LHX2: variants seen among roughly 807,000 people sequenced by gnomAD.
The protein encoded by LHX2 is LIM homeobox 2.
A neutral mutation model predicts 33.0 loss-of-function variants in LHX2; 6 were observed. The ratio of observed to expected loss-of-function variants is 0.18; its 90% CI spans 0.10 to 0.36. The LOEUF (loss-of-function observed/expected upper bound fraction) is 0.36. Ranked by LOEUF, LHX2 falls within the 10% of genes least tolerant of loss-of-function variation. The pLI, the probability that LHX2 is intolerant of heterozygous loss-of-function variation, is 1.00. For synonymous variants in LHX2, 292 were observed against 253.1 expected (o/e 1.15, Z -1.46); for missense variants, 442 against 586.2 (o/e 0.75, Z 2.54).
intron 4 of LHX2, among the ~76,000 whole-genome samples, chr9:124,027,398 T>G (rs2055030): frequency 0.4 from 61,061 of 151,706 alleles, 12,549 homozygotes; most frequent in Admixed American, 0.49. Flanking sequence ...CTCAATTCTG[T>G]TTGTGCAGTA....
At chr9:124,025,367 G>C (rs1246556503) in intron 4 of LHX2, among the ~76,000 whole-genome samples, 1 of 151,552 alleles carries the variant, frequency 6.6e-6, no homozygotes, top group Non-Finnish European at 1.5e-5. Flanking sequence ...CGTGAACCCG[G>C]GAGGCGGAGC....
intron 4 of LHX2, among the ~76,000 whole-genome samples, chr9:124,022,506 T>A (rs748998774): frequency 6.6e-5 from 10 of 152,084 alleles, no homozygotes; most frequent in Admixed American, 1.3e-4. Context: ...GCGACACACA[T>A]TTTGAGGGAA....
At chr9:124,019,031 C>G (rs576777324) in intron 3 of LHX2, among the ~76,000 whole-genome samples, 1 of 152,196 alleles carries the variant, frequency 6.6e-6, no homozygotes, top group African/African-American at 2.4e-5. Context: ...GGCTGCCCCA[C>G]CCCCAGTGGA....
chr9:124,027,960 T>A (rs986062416), intron 4 of LHX2, among the ~76,000 whole-genome samples: 13 of 152,206 alleles, frequency 8.5e-5, no homozygotes, highest in Admixed American at 7.2e-4. Context: ...CCCTGTGGCA[T>A]CGTGGAGTGG....
intron 4 of LHX2, among the ~76,000 whole-genome samples, chr9:124,025,905 A>C (rs1828614104): frequency 6.6e-6 from 1 of 151,900 alleles, no homozygotes; most frequent in Non-Finnish European, 1.5e-5. Context: ...GAATCACTTG[A>C]ACCCAGGAGG....
rs1032288010 is a variant in LHX2, at chr9:124,014,696, A to G, written c.324-426A>G. On this transcript the variant is annotated intron_variant, in intron 2 of 4. Transcript: ENST00000373615. The surrounding 1 kb of genome is among the most constrained non-coding windows in gnomAD (Gnocchi z 4.8). ...CCAGTTTTAGGATTAGGGTCTATGTATATTCTCTCTGTCTCTGTCTCTACG... is the reference window on the plus strand; with the variant it reads ...CCAGTTTTAGGATTAGGGTCTATGTGTATTCTCTCTGTCTCTGTCTCTACG... Among the ~76,000 whole-genome samples the G allele has an allele frequency of 1.3e-5, 2 of 152,146 alleles. No individual in the cohort carries two copies. The highest frequency in any genetic ancestry group is 2.9e-5 in the Non-Finnish European group (2 of 68,030).
At chr9:124,025,816 C>T (rs981145369) in intron 4 of LHX2, among the ~76,000 whole-genome samples, 1 of 152,012 alleles carries the variant, frequency 6.6e-6, no homozygotes, top group East Asian at 1.9e-4. Context: ...AAAACCCGTT[C>T]CCTACTAAAA....
Position 124,032,526 on chromosome 9 carries a change from C to T in LHX2, c.1040C>T (p.Ser347Leu), listed in dbSNP as rs369099431. The change falls in exon 5 of 5, where the codon TCG (serine) becomes TTG (leucine). Residue 347 changes from serine to leucine, a missense_variant. Coordinates refer to ENST00000373615, the MANE Select transcript of LHX2 (RefSeq NM_004789.4). This position sits in a 1 kb window ranked among gnomAD's most constrained non-coding sequence, Gnocchi z 4.1. The part of the protein sequence containing the change: ...TDAALQTGTP[S>L]GPASELSNAS... ...GCGGCGCTGCAGACAGGGACGCCAT[C>T]GGGCCCGGCCTCGGAGCTCTCCAAC... 3 of 1,613,822 alleles carry T rather than the reference C, an allele frequency of 1.9e-6. No individual in the cohort carries two copies. The highest frequency in any genetic ancestry group is 2.5e-6 in the Non-Finnish European group (3 of 1,180,006).
At chr9:124,030,552 G>A (rs1386205969) in intron 4 of LHX2, among the ~76,000 whole-genome samples, 1 of 152,054 alleles carries the variant, frequency 6.6e-6, no homozygotes, top group Admixed American at 6.5e-5. Context: ...GGTACAGCGG[G>A]TCCCTGTGTT....
chr9:124,025,216 G>A (rs1299116000), intron 4 of LHX2, among the ~76,000 whole-genome samples: 1 of 152,104 alleles, frequency 6.6e-6, no homozygotes, highest in Non-Finnish European at 1.5e-5. Context: ...GCCGAGGCGG[G>A]CGGATTACAA....
Position 124,015,637 on chromosome 9 carries a change from C to A in LHX2, c.727+112C>A. The A allele has an allele frequency of 1.6e-6, 2 of 1,216,872 alleles. No individual in the cohort carries two copies. Among genetic ancestry groups the A allele is most frequent in the Non-Finnish European group, 2.2e-6 (2 of 904,402 alleles). The allele number at this position is 1,216,872 out of a possible 1,614,324, so 75.4% of individuals were successfully genotyped here. ...TGCTGGGCAAATAGCGAGCCTTAAG[C>A]ACCGGACGGCCTCGCAGAAGGGACA... On this transcript the variant is annotated intron_variant, in intron 3 of 4. Coordinates refer to ENST00000373615, the MANE Select transcript of LHX2 (RefSeq NM_004789.4). This position sits in a 1 kb window ranked among gnomAD's most constrained non-coding sequence, Gnocchi z 7.9.
chr9:124,013,899 G>T (rs969764018), intron 1 of LHX2, 62 bp from the exon 2 acceptor site: 1 of 1,529,344 alleles, frequency 6.5e-7, no homozygotes, highest in Non-Finnish European at 9.0e-7. Context: ...CCGGTTTCCC[G>T]GCGGCGGAGG....
rs754339810 is a variant in LHX2 at position 124,015,574 on chromosome 9, G to C, written c.727+49G>C. ...CCCCCATAGGGTTGGGGGAAAGTGT[G>C]CGGCCTCGACGGCCGGGAGCTGGAT... is the stretch of plus-strand genomic sequence containing the variant. On this transcript the variant is annotated intron_variant, in intron 3 of 4. Transcript: ENST00000373615. This position sits in a 1 kb window ranked among gnomAD's most constrained non-coding sequence, Gnocchi z 7.9. 1.9e-5 allele frequency: 28 copies of C among 1,441,184 alleles called. No homozygotes were observed. In the African/African-American group the frequency reaches 3.5e-4, roughly 18 times the overall value. 89.3% of individuals were successfully genotyped at this position (1,441,184 alleles called of 1,614,324 possible).
At position 124,012,700 on chromosome 9, in the gene LHX2, A is replaced by G. The variant is rs114911436; in HGVS notation, c.120+232A>G. 0.015 allele frequency among the ~76,000 whole-genome samples: 2,345 copies of G among 152,296 alleles called. 55 individuals are homozygous for G. The highest frequency in any genetic ancestry group is 0.054 in the African/African-American group (2,236 of 41,566). On this transcript the variant is annotated intron_variant, in intron 1 of 4. Coordinates refer to ENST00000373615, the MANE Select transcript of LHX2 (RefSeq NM_004789.4). This position sits in a 1 kb window ranked among gnomAD's most constrained non-coding sequence, Gnocchi z 4.3. ...AATCTCGGCCCTGGGGGTAGAGGAG[A>G]GCGTTTCTTCCGAACTGGAAGCGAA... is the stretch of plus-strand genomic sequence containing the variant.
chr9:124,022,988 C>T (rs1349274138), intron 4 of LHX2, among the ~76,000 whole-genome samples: 1 of 152,248 alleles, frequency 6.6e-6, no homozygotes, highest in Non-Finnish European at 1.5e-5. Context: ...TCCCAGTGGC[C>T]TGAGCTCCTG....
At chr9:124,026,151 T>TG (rs749593593) in intron 4 of LHX2, among the ~76,000 whole-genome samples, 1 of 151,912 alleles carries the variant, frequency 6.6e-6, no homozygotes, top group South Asian at 2.1e-4. Context: ...GAGGATTCAG[T>TG]GGGGAACAAG....
intron 4 of LHX2, among the ~76,000 whole-genome samples, chr9:124,025,860 C>G (rs532551774): frequency 2.0e-5 from 3 of 152,064 alleles, no homozygotes; most frequent in African/African-American, 7.2e-5. Context: ...TGGCGCACAC[C>G]TGTAGTCCCA....
intron 3 of LHX2, among the ~76,000 whole-genome samples, chr9:124,019,761 C>A (rs746466712): frequency 3.9e-5 from 6 of 152,142 alleles, no homozygotes; most frequent in Non-Finnish European, 7.4e-5. Flanking sequence ...GCACAAGATA[C>A]CTTCTCAGTT....
In LHX2 at chr9:124,032,818, G is replaced by T; in HGVS notation, c.*111G>T. On this transcript the variant is annotated 3_prime_UTR_variant, in exon 5 of 5. Coordinates refer to ENST00000373615, the MANE Select transcript of LHX2 (RefSeq NM_004789.4). This position sits in a 1 kb window ranked among gnomAD's most constrained non-coding sequence, Gnocchi z 4.1. Reference sequence around the variant, plus strand: ...TGAGCAACTAACTAACCACATTTTAGGATCTCGCCTGGAAACAGAGGTAAA... The same window carrying T: ...TGAGCAACTAACTAACCACATTTTATGATCTCGCCTGGAAACAGAGGTAAA... 2 of 1,237,194 alleles carry T rather than the reference G, an allele frequency of 1.6e-6. No individual in the cohort carries two copies. Among genetic ancestry groups the T allele is most frequent in the Non-Finnish European group, 2.2e-6 (2 of 898,060 alleles). 76.6% of individuals were successfully genotyped at this position (1,237,194 alleles called of 1,614,324 possible).
Sources: gnomAD v4.1 joint callset for allele counts (sites outside exome capture counted in the v4.1 genomes callset) on GRCh38, gnomAD v4.1.1 for gene constraint, Gnocchi (gnomAD v3.1) non-coding constraint, MANE v1.5 for transcripts, NCBI Gene and HGNC (gene_info 2026-07-23, HGNC 2026-07-21) for gene names.